SLC9A3: variants seen among roughly 807,000 people sequenced by gnomAD.
SLC9A3 encodes solute carrier family 9 member A3.
Under a neutral mutation model 86.8 loss-of-function variants are expected in SLC9A3, and 37 were observed. The observed-to-expected ratio is 0.43, with a 90% CI of 0.33 to 0.56. The LOEUF (loss-of-function observed/expected upper bound fraction) is 0.56. Ranked by LOEUF, SLC9A3 falls within the 20% of genes least tolerant of loss-of-function variation. The probability of loss-of-function intolerance (pLI) is 0.06; values close to 1 mark genes in which losing one functional copy is unlikely to be tolerated. For missense variants in SLC9A3, 1,011 were observed against 1,171.9 expected, an observed-to-expected ratio of 0.86 and a Z score of 2.00; for synonymous variants, 581 against 528.3, an observed-to-expected ratio of 1.10 and a Z score of -1.37.
intron 1 of SLC9A3, among the ~76,000 whole-genome samples, chr5:493,599 G>C (rs1739892058): frequency 6.6e-6 from 1 of 152,254 alleles, no homozygotes; most frequent in African/African-American, 2.4e-5. Context: ...GCCCCTCTAG[G>C]GAGGGTGGCA....
rs1217393903 is a variant in SLC9A3, at chr5:476,098, G to A, written c.2068-6C>T. On this transcript the variant is annotated splice_region_variant and splice_polypyrimidine_tract_variant and intron_variant, in intron 13 of 16. Transcript: ENST00000264938. ...TTGGGGATGCTGCTGTTTCTCTGCG[G>A]AGCAAACGTGAAGCTGCTCACACCC... 2 of 1,613,054 alleles carry A rather than the reference G, an allele frequency of 1.2e-6. No homozygotes were observed. The highest frequency in any genetic ancestry group is 1.3e-5 in the African/African-American group (1 of 74,904).
At position 496,552 on chromosome 5, in the gene SLC9A3, T is replaced by C. The variant is rs980602844; in HGVS notation, c.212-4481A>G. ...TATGTCTTCAGCGGCAGGTAGATTTTCACTTTCAAAAATGTTGCTCTCATC... is the reference window on the plus strand; with the variant it reads ...TATGTCTTCAGCGGCAGGTAGATTTCCACTTTCAAAAATGTTGCTCTCATC... On this transcript the variant is annotated intron_variant, in intron 1 of 16. Transcript: ENST00000264938. The surrounding 1 kb of genome is among the most constrained non-coding windows in gnomAD (Gnocchi z 4.7). Among the ~76,000 whole-genome samples, 3 of 152,238 alleles carry C rather than the reference T, an allele frequency of 2.0e-5. No individual in the cohort carries two copies. The highest frequency in any genetic ancestry group is 4.8e-5 in the African/African-American group (2 of 41,460).
At position 507,163 on chromosome 5, in the gene SLC9A3, C is replaced by CTGCTTTTTTTTTTTTTTTTTTTTTT. The variant is rs1553999262; in HGVS notation, c.212-15093_212-15092insAAAAAAAAAAAAAAAAAAAAAAGCA. 2.3e-4 allele frequency among the ~76,000 whole-genome samples: 8 copies of CTGCTTTTTTTTTTTTTTTTTTTTTT among 34,754 alleles called. 1 individual carries two copies. Among genetic ancestry groups the CTGCTTTTTTTTTTTTTTTTTTTTTT allele is most frequent in the Admixed American group, 4.1e-4 (1 of 2,436 alleles). The allele number at this position is 34,754 out of a possible 152,430, so 22.8% of individuals were successfully genotyped here. A position where few individuals can be genotyped will look rare whatever the true frequency, so the allele number is the denominator to read the frequency against. On this transcript the variant is annotated intron_variant, in intron 1 of 16. Transcript: ENST00000264938. ...GTAAGAAGGAGGGATCCGGCTGCTG[C>CTGCTTTTTTTTTTTTTTTTTTTTTT]TTCTTTTTTTTTTTTTTTTTTTTGA...
intron 3 of SLC9A3, among the ~76,000 whole-genome samples, chr5:486,895 C>CCGTGATCCAGACCG (rs1739502191): frequency 7.3e-6 from 1 of 137,210 alleles, no homozygotes; most frequent in African/African-American, 2.8e-5. Context: ...CGCACTGACA[C>CCGTGATCCAGACCG]CGTGATCCAG....
At chr5:482,266 C>T in intron 7 of SLC9A3, 109 bp from the exon 8 acceptor site, 1 of 852,234 alleles carries the variant, frequency 1.2e-6, no homozygotes, top group South Asian at 1.5e-5. Flanking sequence ...CAGGCGCCCT[C>T]CCTGCTCTCC....
chr5:483,210 G>C (rs2126619063), intron 6 of SLC9A3, 52 bp downstream of exon 6: 1 of 1,367,104 alleles, frequency 7.3e-7, no homozygotes, highest in East Asian at 2.5e-5. Context: ...CCTTCCCGGA[G>C]ACGGTGCCGG....
chr5:484,677 G>A lies in SLC9A3; in HGVS notation c.775C>T (p.Leu259=). The A allele has an allele frequency of 6.2e-7, 1 of 1,613,012 alleles. No individual in the cohort carries two copies. Among genetic ancestry groups the A allele is most frequent in the Non-Finnish European group, 8.5e-7 (1 of 1,179,942 alleles). ...ACCACCCCCACCAGCGTGCCCCCCAGGCTCACCACGAAGAAGGACACTGGG... is the reference window on the plus strand; with the variant it reads ...ACCACCCCCACCAGCGTGCCCCCCAAGCTCACCACGAAGAAGGACACTGGG... ...KGIVSFFVVS[L]GGTLVGVVFA... The change falls in exon 5 of 17, where the codon CTG becomes TTG. Residue 259 remains leucine (L), a synonymous_variant. Transcript: ENST00000264938.
chr5:485,116 C>CA (rs746938524), intron 4 of SLC9A3, 37 bp downstream of exon 4: 3 of 1,502,324 alleles, frequency 2.0e-6, no homozygotes, highest in East Asian at 4.5e-5. Flanking sequence ...CCAGAGGAGA[C>CA]ACGGCCGCCC....
At chr5:477,104 C>T (rs541763246) in intron 11 of SLC9A3, 2 of 523,722 alleles carry the variant, frequency 3.8e-6, no homozygotes, top group East Asian at 3.1e-5. Context: ...AGGCCTGGCC[C>T]CCAGTCCGCT....
chr5:522,040 C>T (rs1310200324), intron 1 of SLC9A3, among the ~76,000 whole-genome samples: 6 of 152,174 alleles, frequency 3.9e-5, no homozygotes, highest in Non-Finnish European at 8.8e-5. Context: ...CGACAGGGAG[C>T]GTAAAGGGCA....
chr5:511,631 G>A (rs1261967193), intron 1 of SLC9A3, among the ~76,000 whole-genome samples: 2 of 152,344 alleles, frequency 1.3e-5, no homozygotes. Context: ...CCCAGGACAC[G>A]GATAGCACCG....
intron 3 of SLC9A3, 93 bp from the exon 4 acceptor site, chr5:485,324 G>C (rs1001515088): frequency 1.0e-6 from 1 of 1,002,888 alleles, no homozygotes; most frequent in Admixed American, 1.8e-5. Context: ...CCCGAGTGTG[G>C]AGCCCATGGC....
chr5:503,315 C>T (rs781000088), intron 1 of SLC9A3, among the ~76,000 whole-genome samples: 4 of 152,184 alleles, frequency 2.6e-5, no homozygotes, highest in African/African-American at 4.8e-5. Context: ...GCAGGAGGAT[C>T]GCTTGAACCC....
In SLC9A3 at chr5:497,901, C is replaced by T. The variant is rs1323165465; in HGVS notation, c.212-5830G>A. On this transcript the variant is annotated intron_variant, in intron 1 of 16. Coordinates refer to ENST00000264938, the MANE Select transcript of SLC9A3 (RefSeq NM_004174.4). This position sits in a 1 kb window ranked among gnomAD's most constrained non-coding sequence, Gnocchi z 5.4. Reference sequence around the variant, plus strand: ...CCTCTGCCCCTGTCCCGGGTGGGGTCGCCCGGCCGCATCCCCAGCCTCTGC... The same window carrying T: ...CCTCTGCCCCTGTCCCGGGTGGGGTTGCCCGGCCGCATCCCCAGCCTCTGC... 6.7e-6 allele frequency among the ~76,000 whole-genome samples: 1 copy of T among 150,364 alleles called. No homozygotes were observed. Among genetic ancestry groups the T allele is most frequent in the Non-Finnish European group, 1.5e-5 (1 of 67,480 alleles).
Position 477,407 on chromosome 5 carries a change from G to C in SLC9A3, c.1685C>G (p.Pro562Arg), listed in dbSNP as rs1261564567. Residue 562 changes from proline (P) to arginine (R), a missense_variant, in exon 11 of 17, where the codon CCC becomes CGC. Pro to Arg is a moderately radical substitution (Grantham distance 103). Around this residue, in one of 3 missense-constraint regions of SLC9A3, gnomAD observed 565 missense variants for 790.0 expected, o/e 0.72. Coordinates refer to ENST00000264938, the MANE Select transcript of SLC9A3 (RefSeq NM_004174.4). ...CACGTTGACCACGTTGTCGGTGCTG[G>C]GGGAGCGGATGAAGGCCAGGGACCC... ...RRGSLAFIRS[P>R]STDNVVNVDF... 4.3e-6 allele frequency: 7 copies of C among 1,612,978 alleles called. No homozygotes were observed. Among genetic ancestry groups the C allele is most frequent in the Middle Eastern group, 1.6e-4 (1 of 6,080 alleles).
At chr5:488,093 G>A (rs1203032452) in intron 3 of SLC9A3, among the ~76,000 whole-genome samples, 6 of 152,260 alleles carry the variant, frequency 3.9e-5, no homozygotes, top group African/African-American at 1.4e-4. Context: ...GCTATGGAGT[G>A]GGCGGGCAGG....
intron 9 of SLC9A3, among the ~76,000 whole-genome samples, chr5:481,268 C>T (rs1739147345): frequency 6.6e-6 from 1 of 152,228 alleles, no homozygotes; most frequent in African/African-American, 2.4e-5. Flanking sequence ...TCAATTCCTA[C>T]ATAACAATTT....
At chr5:473,547 C>G in intron 16 of SLC9A3, 165 bp from the exon 17 acceptor site, 1 of 493,666 alleles carries the variant, frequency 2.0e-6, no homozygotes, top group Non-Finnish European at 3.2e-6. Flanking sequence ...GACCCGGGTT[C>G]GCGGGGCAGA....
At chr5:518,491 C>A (rs1278472721) in intron 1 of SLC9A3, among the ~76,000 whole-genome samples, 1 of 152,150 alleles carries the variant, frequency 6.6e-6, no homozygotes, top group Non-Finnish European at 1.5e-5. Flanking sequence ...CACCTGGCAC[C>A]CTGACACCTG....
Sources: gnomAD v4.1 joint callset for allele counts (sites outside exome capture counted in the v4.1 genomes callset) on GRCh38, gnomAD v4.1.1 for gene constraint, gnomAD v4.1.1 regional missense constraint, Gnocchi (gnomAD v3.1) non-coding constraint, MANE v1.5 for transcripts, NCBI Gene and HGNC (gene_info 2026-07-23, HGNC 2026-07-21) for gene names.